Variants in GNAQ observed in about 807,000 individuals in gnomAD.
GNAQ encodes guanine nucleotide-binding protein G(q) subunit alpha.
GNAQ carries 8 observed loss-of-function variants against 43.9 expected under a neutral mutation model. The ratio of observed to expected loss-of-function variants is 0.18; its 90% confidence interval spans 0.11 to 0.33. The LOEUF is 0.33. Ranked by LOEUF, GNAQ falls within the 10% of genes least tolerant of loss-of-function variation. GNAQ has a pLI of 1.00. For synonymous variants in GNAQ, 155 were observed against 170.7 expected, an observed-to-expected ratio of 0.91 and a Z score of 0.71; for missense variants, 158 against 450.8, an observed-to-expected ratio of 0.35 and a Z score of 5.88.
At chr9:77,857,780 ACT>A (rs1180836028) in intron 2 of GNAQ, among the ~76,000 whole-genome samples, 2 of 145,212 alleles carry the variant, frequency 1.4e-5, no homozygotes, top group Middle Eastern at 3.2e-3. Flanking sequence ...AGACTTTTAT[ACT>A]CTTTTTTTTT....
intron 2 of GNAQ, among the ~76,000 whole-genome samples, chr9:77,851,405 A>G (rs1252571099): frequency 6.6e-6 from 1 of 152,154 alleles, no homozygotes; most frequent in East Asian, 1.9e-4. Context: ...CATTATCTGC[A>G]TATTCTGAGT....
At chr9:78,001,680 AG>A (rs1176893725) in intron 1 of GNAQ, among the ~76,000 whole-genome samples, 3 of 152,058 alleles carry the variant, frequency 2.0e-5, no homozygotes, top group Non-Finnish European at 4.4e-5. Context: ...TCAGAGGAGA[AG>A]GAACATTTAC....
chr9:77,876,113 G>GT (rs1256101552), intron 2 of GNAQ, among the ~76,000 whole-genome samples: 1 of 152,164 alleles, frequency 6.6e-6, no homozygotes, highest in Non-Finnish European at 1.5e-5. Flanking sequence ...AACATAAAAT[G>GT]TAACTACTGA....
At chr9:77,740,709 G>A (rs900198970) in intron 5 of GNAQ, among the ~76,000 whole-genome samples, 1 of 152,054 alleles carries the variant, frequency 6.6e-6, no homozygotes. Flanking sequence ...AACAATACAG[G>A]ATGAAATTTT....
At position 77,745,940 on chromosome 9, in the gene GNAQ, T is replaced by C. The variant is rs192341722; in HGVS notation, c.736-17273A>G. Among the ~76,000 whole-genome samples, 208 of 152,168 alleles carry C rather than the reference T, an allele frequency of 1.4e-3. 5 individuals are homozygous for C. The highest frequency in any genetic ancestry group is 0.013 in the Admixed American group (197 of 15,292). On this transcript the variant is annotated intron_variant, in intron 5 of 6. Coordinates refer to ENST00000286548, the MANE Select transcript of GNAQ (RefSeq NM_002072.5). Reference sequence around the variant, plus strand: ...GGGTGGAAGAAGAAGAAAGAATACCTATACCAAAAGAGATCCTTCCTTAAA... The same window carrying C: ...GGGTGGAAGAAGAAGAAAGAATACCCATACCAAAAGAGATCCTTCCTTAAA...
intron 1 of GNAQ, among the ~76,000 whole-genome samples, chr9:77,964,693 C>T (rs1042978038): frequency 3.9e-5 from 6 of 151,952 alleles, no homozygotes; most frequent in African/African-American, 1.5e-4. Context: ...AAAACCACTT[C>T]TAAGTAACAC....
chr9:78,016,460 C>A (rs555784887), intron 1 of GNAQ, among the ~76,000 whole-genome samples: 2 of 152,136 alleles, frequency 1.3e-5, no homozygotes, highest in South Asian at 4.1e-4. Flanking sequence ...CCAAGGTGGG[C>A]GGATCACGAG....
chr9:77,859,155 G>A (rs1205161233), intron 2 of GNAQ, among the ~76,000 whole-genome samples: 1 of 152,080 alleles, frequency 6.6e-6, no homozygotes, highest in East Asian at 1.9e-4. Context: ...GCTAACTCCT[G>A]GAAATTTTCT....
chr9:77,997,447 T>C (rs1422465178), intron 1 of GNAQ, among the ~76,000 whole-genome samples: 1 of 152,196 alleles, frequency 6.6e-6, no homozygotes, highest in Non-Finnish European at 1.5e-5. Flanking sequence ...TGTCTCCAAT[T>C]GCTTCTTGCT....
intron 2 of GNAQ, among the ~76,000 whole-genome samples, chr9:77,912,348 G>C (rs954421694): frequency 6.6e-6 from 1 of 152,122 alleles, no homozygotes; most frequent in Admixed American, 6.6e-5. Context: ...TAGATATCCA[G>C]ATAAAAAACA....
At chr9:77,979,093 T>C (rs1288902417) in intron 1 of GNAQ, among the ~76,000 whole-genome samples, 1 of 151,964 alleles carries the variant, frequency 6.6e-6, no homozygotes, top group South Asian at 2.1e-4. Context: ...TGGTGGCTCA[T>C]GCCTGTAATT....
At chr9:77,992,283 C>T (rs117404316) in intron 1 of GNAQ, among the ~76,000 whole-genome samples, 1 of 152,256 alleles carries the variant, frequency 6.6e-6, no homozygotes, top group Non-Finnish European at 1.5e-5. Flanking sequence ...TTAAAATTGG[C>T]TAGTCAACTA....
rs1564131291 is a variant in GNAQ at position 77,855,702 on chromosome 9, TA to T, written c.322-39933del. ...ATTTCAAGGCAAAGATGCTGAGATT[TA>T]ATTTCCTAGTGAAAGTCAGTTTCAC... is the stretch of plus-strand genomic sequence containing the variant. On this transcript the variant is annotated intron_variant, in intron 2 of 6. Coordinates refer to ENST00000286548, the MANE Select transcript of GNAQ (RefSeq NM_002072.5). 7.2e-5 allele frequency among the ~76,000 whole-genome samples: 11 copies of T among 152,058 alleles called. 1 individual carries two copies. The highest frequency in any genetic ancestry group is 6.6e-4 in the Admixed American group (10 of 15,262).
At chr9:77,901,191 A>C (rs929902538) in intron 2 of GNAQ, among the ~76,000 whole-genome samples, 6 of 152,048 alleles carry the variant, frequency 3.9e-5, no homozygotes, top group African/African-American at 1.2e-4. Flanking sequence ...TCACACTCTC[A>C]TGCCACCTGT....
chr9:77,828,900 TTACA>T (rs1827251333), intron 2 of GNAQ, among the ~76,000 whole-genome samples: 1 of 152,208 alleles, frequency 6.6e-6, no homozygotes, highest in Admixed American at 6.5e-5. Context: ...GCCCTTATGA[TTACA>T]CATTCAAACA....
chr9:77,840,359 T>G (rs1827469431), intron 2 of GNAQ, among the ~76,000 whole-genome samples: 1 of 151,452 alleles, frequency 6.6e-6, no homozygotes, highest in Non-Finnish European at 1.5e-5. Context: ...TTTTGTTTTT[T>G]TTTTTTTTTA....
intron 2 of GNAQ, among the ~76,000 whole-genome samples, chr9:77,855,511 T>C (rs986387680): frequency 3.3e-5 from 5 of 152,168 alleles, no homozygotes; most frequent in Non-Finnish European, 7.4e-5. Flanking sequence ...AATTATGTCA[T>C]CTTTTTTTCG....
chr9:77,982,525 A>C (rs1823380483), intron 1 of GNAQ, among the ~76,000 whole-genome samples: 1 of 152,138 alleles, frequency 6.6e-6, no homozygotes, highest in Admixed American at 6.5e-5. Flanking sequence ...CGGGGAGACC[A>C]CCATTCTATC....
chr9:78,015,584 C>A (rs534248351), intron 1 of GNAQ, among the ~76,000 whole-genome samples: 4 of 151,950 alleles, frequency 2.6e-5, no homozygotes, highest in Non-Finnish European at 5.9e-5. Context: ...GACAAACACA[C>A]ATATGCATTT....
Sources: allele counts gnomAD v4.1 joint callset (sites outside exome capture counted in the v4.1 genomes callset), GRCh38; gene constraint gnomAD v4.1.1; transcripts MANE v1.5; gene names NCBI Gene and HGNC (gene_info 2026-07-23, HGNC 2026-07-21).